Variants in UNC13C observed in about 807,000 individuals in gnomAD.
The protein encoded by UNC13C is protein unc-13 homolog C.
Under a neutral mutation model 245.4 loss-of-function variants are expected in UNC13C, and 174 were observed. The observed-to-expected ratio is 0.71, with a 90% confidence interval of 0.63 to 0.80. The LOEUF (loss-of-function observed/expected upper bound fraction) is 0.80, where lower values mean the gene tolerates loss of function less well. UNC13C is among the 30% of genes least tolerant of loss of function. The pLI is 0.00. For missense variants in UNC13C, 2,829 were observed against 2,602.9 expected, an observed-to-expected ratio of 1.09 and a Z score of -1.89; for synonymous variants, 992 against 895.1, an observed-to-expected ratio of 1.11 and a Z score of -1.93.
intron 2 of UNC13C, among the ~76,000 whole-genome samples, chr15:54,036,584 G>A (rs1040616692): frequency 1.3e-5 from 2 of 152,192 alleles, no homozygotes; most frequent in Non-Finnish European, 1.5e-5. Flanking sequence ...TACATGAAAA[G>A]AGGGGAGGGA....
At chr15:54,359,984 G>A (rs1030812964) in intron 17 of UNC13C, among the ~76,000 whole-genome samples, 1 of 151,786 alleles carries the variant, frequency 6.6e-6, no homozygotes, top group African/African-American at 2.4e-5. Context: ...AACTGCTTGT[G>A]CTGTATCTCA....
chr15:54,043,693 C>T (rs927919455), intron 2 of UNC13C, among the ~76,000 whole-genome samples: 1 of 152,166 alleles, frequency 6.6e-6, no homozygotes, highest in Non-Finnish European at 1.5e-5. Context: ...ACAACCAGAA[C>T]TTGGGATACC....
chr15:54,569,917 TCCTATCCAC>T (rs1566915415), intron 30 of UNC13C, among the ~76,000 whole-genome samples: 1 of 152,014 alleles, frequency 6.6e-6, no homozygotes, highest in East Asian at 1.9e-4. Context: ...CCTCCAGCCC[TCCTATCCAC>T]CCTCGCCCAG....
At chr15:54,415,180 C>T in intron 19 of UNC13C, 113 bp downstream of exon 19, 1 of 729,708 alleles carries the variant, frequency 1.4e-6, no homozygotes, top group Non-Finnish European at 2.1e-6. Context: ...TTACTGTGAT[C>T]AGTTTAGTTC....
At chr15:54,355,007 T>C (rs1410038130) in intron 17 of UNC13C, among the ~76,000 whole-genome samples, 1 of 152,076 alleles carries the variant, frequency 6.6e-6, no homozygotes. Context: ...GATGGCTTTA[T>C]TGGAACAGGA....
intron 29 of UNC13C, among the ~76,000 whole-genome samples, chr15:54,558,041 G>A (rs953791673): frequency 5.3e-5 from 8 of 151,894 alleles, no homozygotes; most frequent in Non-Finnish European, 8.8e-5. Context: ...TCACAGGTGG[G>A]AATTGAATAA....
chr15:53,941,807 G>T, the UNC13C span, among the ~76,000 whole-genome samples: 1 of 152,106 alleles, frequency 6.6e-6, no homozygotes, highest in Non-Finnish European at 1.5e-5. Flanking sequence ...ATGAAAAAAA[G>T]CTCAACATCT....
intron 7 of UNC13C, among the ~76,000 whole-genome samples, chr15:54,249,204 A>G (rs907619257): frequency 6.7e-6 from 1 of 148,488 alleles, no homozygotes; most frequent in Non-Finnish European, 1.5e-5. Context: ...TCTCTTTTCT[A>G]TTGGCCTGTG....
chr15:53,929,145 A>T, the UNC13C span, among the ~76,000 whole-genome samples: 7 of 152,310 alleles, frequency 4.6e-5, no homozygotes, highest in Admixed American at 2.0e-4. Flanking sequence ...GCGAAGGCAC[A>T]TCTTACATGG....
the UNC13C span, among the ~76,000 whole-genome samples, chr15:53,907,174 T>C: frequency 6.6e-6 from 1 of 152,222 alleles, no homozygotes; most frequent in Non-Finnish European, 1.5e-5. Flanking sequence ...TCTGAACTTT[T>C]TCTTTGGGTG....
At chr15:53,919,418 C>T in the UNC13C span, among the ~76,000 whole-genome samples, 1 of 152,128 alleles carries the variant, frequency 6.6e-6, no homozygotes, top group Non-Finnish European at 1.5e-5. Flanking sequence ...TAGGGTAGAG[C>T]TCACCTGGTT....
chr15:54,056,492 C>G (rs1897531524), intron 2 of UNC13C, among the ~76,000 whole-genome samples: 1 of 152,132 alleles, frequency 6.6e-6, no homozygotes, highest in Non-Finnish European at 1.5e-5. Context: ...AATTGGTGTA[C>G]CTGAAAGTGA....
At chr15:54,388,744 G>T (rs1315132680) in intron 17 of UNC13C, among the ~76,000 whole-genome samples, 1 of 151,710 alleles carries the variant, frequency 6.6e-6, no homozygotes, top group East Asian at 1.9e-4. Flanking sequence ...TTTCTCCAAG[G>T]TTTTGTCTGT....
rs547523285 is a variant in UNC13C, at chr15:54,075,551, CAAAAAAAAAAAAA to C, written c.2983+59680_2983+59692del. On this transcript the variant is annotated intron_variant, in intron 2 of 32. Transcript: ENST00000260323. ...CGGGCGACAGAGCGAGACTCTGTCT[CAAAAAAAAAAAAA>C]AAAAAAAAAAAAAAGGAGTGTCCAA... 6.9e-4 allele frequency among the ~76,000 whole-genome samples: 32 copies of C among 46,184 alleles called. 2 individuals carry two copies. Among genetic ancestry groups the C allele is most frequent in the African/African-American group, 2.4e-3 (29 of 12,168 alleles). 30.3% of individuals were successfully genotyped at this position (46,184 alleles called of 152,430 possible). A position where few individuals can be genotyped will look rare whatever the true frequency, so the allele number is the denominator to read the frequency against.
At chr15:54,475,807 C>A (rs1448627968) in intron 19 of UNC13C, among the ~76,000 whole-genome samples, 1 of 116,726 alleles carries the variant, frequency 8.6e-6, no homozygotes, top group Admixed American at 8.7e-5. Context: ...ATTTATAGTC[C>A]TTTGGGTATA....
intron 19 of UNC13C, among the ~76,000 whole-genome samples, chr15:54,425,310 A>G (rs1251379574): frequency 1.3e-5 from 2 of 151,788 alleles, no homozygotes; most frequent in East Asian, 3.9e-4. Context: ...AAGTAAAAGG[A>G]TAAAAACTGG....
At chr15:54,524,191 T>C (rs894089229) in intron 24 of UNC13C, among the ~76,000 whole-genome samples, 2 of 149,678 alleles carry the variant, frequency 1.3e-5, no homozygotes, top group Non-Finnish European at 2.9e-5. Context: ...AGCTCACAGA[T>C]ATGTTAATTT....
chr15:54,572,576 C>T (rs1247008192), intron 30 of UNC13C, among the ~76,000 whole-genome samples: 1 of 151,860 alleles, frequency 6.6e-6, no homozygotes, highest in Non-Finnish European at 1.5e-5. Context: ...TAGGTGCACG[C>T]CACCATGCCC....
chr15:54,481,781 T>C (rs570379630), intron 19 of UNC13C, among the ~76,000 whole-genome samples: 1 of 151,766 alleles, frequency 6.6e-6, no homozygotes, highest in African/African-American at 2.4e-5. Flanking sequence ...AGCAGCCCTG[T>C]CCTCATGTCT....
Sources: gnomAD v4.1 joint callset for allele counts (sites outside exome capture counted in the v4.1 genomes callset) on GRCh38, gnomAD v4.1.1 for gene constraint, MANE v1.5 for transcripts, NCBI Gene and HGNC (gene_info 2026-07-23, HGNC 2026-07-21) for gene names.